The following C1orf87 variants were observed in gnomAD, a reference collection of about 807,000 sequenced individuals.
The protein encoded by C1orf87 is chromosome 1 open reading frame 87.
A neutral mutation model predicts 60.5 loss-of-function variants in C1orf87; 58 were observed. The ratio of observed to expected loss-of-function variants is 0.96; its 90% CI spans 0.78 to 1.19. C1orf87 has a LOEUF of 1.19. Among genes scored for constraint, C1orf87 ranks in the 50% most tolerant of loss-of-function variants. C1orf87 has a pLI of 0.00. For synonymous variants in C1orf87, 236 were observed against 227.4 expected (o/e 1.04, Z -0.34); for missense variants, 673 against 638.6 (o/e 1.05, Z -0.58).
At chr1:60,055,491 C>A in intron 2 of C1orf87, 53 bp from the exon 3 acceptor site, 1 of 1,491,682 alleles carries the variant, frequency 6.7e-7, no homozygotes, top group Non-Finnish European at 9.3e-7. Flanking sequence ...TCCTCATACA[C>A]TAGGCTGGCA....
chr1:60,040,852 C>T (rs2100297891), intron 4 of C1orf87, 139 bp downstream of exon 4: 4 of 895,402 alleles, frequency 4.5e-6, no homozygotes, highest in South Asian at 6.7e-5. Flanking sequence ...CTTGGCTTCT[C>T]AAAGTGCTGG....
At position 60,041,015 on chromosome 1, in the gene C1orf87, C is replaced by T. The variant is rs775192598; in HGVS notation, c.459G>A (p.Val153=). Residue 153 remains valine (V), a synonymous_variant, in exon 4 of 12, where the codon GTG becomes GTA. Transcript: ENST00000371201. ...KLRDWSLEQM[V]RGSSDQPEDI... ...CCTCAGGTTGGTCAGAGCTGCCTCT[C>T]ACCATCTGTTCCAAGGACCAGTCTC... The T allele has an allele frequency of 9.9e-6, 16 of 1,612,718 alleles. No individual in the cohort carries two copies. The highest frequency in any genetic ancestry group is 1.1e-5 in the Non-Finnish European group (13 of 1,179,170).
At chr1:60,052,837 G>A (rs925530774) in intron 3 of C1orf87, among the ~76,000 whole-genome samples, 2 of 152,218 alleles carry the variant, frequency 1.3e-5, no homozygotes, top group African/African-American at 4.8e-5. Context: ...TGGTAATGAG[G>A]GTCTCTGTAC....
chr1:60,040,038 G>A lies in C1orf87; in HGVS notation c.626C>T (p.Ser209Phe). 1 of 1,614,222 alleles carries A rather than the reference G, an allele frequency of 6.2e-7. No individual in the cohort carries two copies. Among genetic ancestry groups the A allele is most frequent in the South Asian group, 1.1e-5 (1 of 91,082 alleles). ...QKELKILDPISSGFLLQSQLS... is the reference protein window; with the variant it reads ...QKELKILDPIFSGFLLQSQLS... ...CTGAGATTGGAGAAGAAATCCTGAA[G>A]AGATTGGGTCCAGGATCTTCAGCTC... Residue 209 changes from serine to phenylalanine, a missense_variant, in exon 5 of 12, where the codon TCT (serine) becomes TTT (phenylalanine). Ser to Phe is a radical substitution (Grantham distance 155). Transcript: ENST00000371201.
At chr1:60,061,355 A>G (rs775875982) in intron 2 of C1orf87, among the ~76,000 whole-genome samples, 1 of 152,114 alleles carries the variant, frequency 6.6e-6, no homozygotes, top group Non-Finnish European at 1.5e-5. Context: ...ATTGATTGTA[A>G]TCAACCTTTC....
chr1:60,073,378 C>G (rs1645597037), intron 1 of C1orf87, among the ~76,000 whole-genome samples: 1 of 152,166 alleles, frequency 6.6e-6, no homozygotes, highest in Admixed American at 6.5e-5. Flanking sequence ...AGAAATCATT[C>G]TACTCCAAAG....
intron 3 of C1orf87, among the ~76,000 whole-genome samples, chr1:60,047,698 T>A (rs549685947): frequency 6.7e-6 from 1 of 150,016 alleles, no homozygotes; most frequent in South Asian, 2.1e-4. Flanking sequence ...ACTCTACCTA[T>A]ATTTTATTTC....
chr1:60,072,568 GT>G lies in C1orf87; in HGVS notation c.75del (p.Lys25AsnfsTer18). 1 of 1,612,370 alleles carries G rather than the reference GT, an allele frequency of 6.2e-7. No individual in the cohort carries two copies. On this transcript the variant is annotated frameshift_variant, in exon 2 of 12. Coordinates refer to ENST00000371201, the MANE Select transcript of C1orf87 (RefSeq NM_152377.3). LOFTEE classifies it high-confidence loss of function. The part of the protein sequence containing the change: ...PEIMVKIIGS[K>X]HFQYLVEKPK... ...GGCTTCTCCACGAGGTATTGAAAGT[GT>G]TTACTTCCAATGATTTTCACCATGA...
intron 10 of C1orf87, among the ~76,000 whole-genome samples, chr1:60,000,108 A>T (rs938402507): frequency 6.6e-6 from 1 of 152,142 alleles, no homozygotes; most frequent in Non-Finnish European, 1.5e-5. Context: ...AGTGGCTGGC[A>T]CACAGTAGGT....
Position 60,005,770 on chromosome 1 carries a change from C to CGTGTGTGTGTGTGTGTGTGTGTGT in C1orf87, c.1193-4615_1193-4614insACACACACACACACACACACACAC, listed in dbSNP as rs139222813. ...CCACACCATGTGACTGAAGCTGATT[C>CGTGTGTGTGTGTGTGTGTGTGTGT]GTGTGTGTGTGTGTGTGTGTGCTTC... is the stretch of plus-strand genomic sequence containing the variant. On this transcript the variant is annotated intron_variant, in intron 9 of 11. Transcript: ENST00000371201. Among the ~76,000 whole-genome samples the CGTGTGTGTGTGTGTGTGTGTGTGT allele has an allele frequency of 2.6e-3, 377 of 144,008 alleles. 1 individual carries two copies. Among genetic ancestry groups the CGTGTGTGTGTGTGTGTGTGTGTGT allele is most frequent in the African/African-American group, 9.2e-3 (358 of 39,096 alleles). The allele number at this position is 144,008 out of a possible 152,430, so 94.5% of individuals were successfully genotyped here. A position where few individuals can be genotyped will look rare whatever the true frequency, so the allele number is the denominator to read the frequency against.
intron 3 of C1orf87, among the ~76,000 whole-genome samples, chr1:60,048,150 C>T (rs1490530012): frequency 6.6e-6 from 1 of 152,124 alleles, no homozygotes; most frequent in African/African-American, 2.4e-5. Flanking sequence ...AAAGATATTG[C>T]AGCTTCCAAT....
At chr1:60,002,878 G>C (rs541186798) in intron 9 of C1orf87, among the ~76,000 whole-genome samples, 1 of 149,308 alleles carries the variant, frequency 6.7e-6, no homozygotes, top group African/African-American at 2.5e-5. Context: ...TGGTGGGACT[G>C]TAAACTAGTT....
intron 3 of C1orf87, among the ~76,000 whole-genome samples, chr1:60,046,714 C>T (rs375750976): frequency 6.6e-6 from 1 of 152,104 alleles, no homozygotes. Flanking sequence ...GTTGGGACTA[C>T]AGGCATGAGC....
chr1:60,041,117 T>C lies in C1orf87; in HGVS notation c.357A>G (p.Ala119=), dbSNP rs1255966615. Reference sequence around the variant, plus strand: ...TTGGTACAGAGCTGCAGTGGACATTTGCTTGACTGGGAATCTTAACAGAAC... The same window carrying C: ...TTGGTACAGAGCTGCAGTGGACATTCGCTTGACTGGGAATCTTAACAGAAC... The part of the protein sequence containing the change: ...RFLDGNIPSQ[A]NVHCSSVPTG... The change falls in exon 4 of 12, where the codon GCA becomes GCG. Residue 119 remains alanine, a synonymous_variant. Coordinates refer to ENST00000371201, the MANE Select transcript of C1orf87 (RefSeq NM_152377.3). The C allele has an allele frequency of 1.3e-6, 2 of 1,581,062 alleles. No individual in the cohort carries two copies. Among genetic ancestry groups the C allele is most frequent in the African/African-American group, 2.7e-5 (2 of 74,392 alleles).
In C1orf87 at chr1:60,038,107, C is replaced by T. The variant is rs1557470534; in HGVS notation, c.748G>A (p.Val250Met). 4.7e-6 allele frequency: 7 copies of T among 1,505,090 alleles called. No homozygotes were observed. Among genetic ancestry groups the T allele is most frequent in the Non-Finnish European group, 6.4e-6 (7 of 1,100,354 alleles). 93.2% of individuals were successfully genotyped at this position (1,505,090 alleles called of 1,614,324 possible). ...RFSKRGSPEM[V>M]NYEKLLWFLN... is the part of the protein sequence containing the mutation. ...AACCAGAGTAGCTTTTCATAATTCA[C>T]CTGAAAATTAAATGTAAAATAGAAC... Residue 250 changes from valine to methionine, a missense_variant and splice_region_variant, in exon 6 of 12, where the codon GTG (valine) becomes ATG (methionine). Transcript: ENST00000371201.
chr1:60,035,771 C>A (rs1645271533), intron 6 of C1orf87, among the ~76,000 whole-genome samples: 1 of 152,198 alleles, frequency 6.6e-6, no homozygotes, highest in Admixed American at 6.5e-5. Context: ...TATTATTGAG[C>A]ATCTTCTGTA....
chr1:60,040,882 T>C (rs1008182057), intron 4 of C1orf87, 109 bp downstream of exon 4: 137 of 1,247,038 alleles, frequency 1.1e-4, no homozygotes, highest in Non-Finnish European at 1.4e-4. Flanking sequence ...TGTAAGCCAC[T>C]ATGACCAGCC....
At chr1:60,041,410 ATAGG>A (rs1242940521) in intron 3 of C1orf87, among the ~76,000 whole-genome samples, 2 of 152,222 alleles carry the variant, frequency 1.3e-5, no homozygotes, top group East Asian at 1.9e-4. Context: ...GCAAAAAATA[ATAGG>A]TAGAGCATAA....
At chr1:60,013,853 C>T (rs1032939824) in intron 8 of C1orf87, among the ~76,000 whole-genome samples, 1 of 152,022 alleles carries the variant, frequency 6.6e-6, no homozygotes, top group African/African-American at 2.4e-5. Context: ...CAGGCATACA[C>T]CTGGTGCACC....
Sources: gnomAD v4.1 joint callset for allele counts (sites outside exome capture counted in the v4.1 genomes callset) on GRCh38, gnomAD v4.1.1 for gene constraint, MANE v1.5 for transcripts, NCBI Gene and HGNC (gene_info 2026-07-23, HGNC 2026-07-21) for gene names.